Variants in NOX4 observed in about 807,000 individuals in gnomAD.
NOX4 encodes NADPH oxidase 4, also known as kidney oxidase-1.
A neutral mutation model predicts 87.6 loss-of-function variants in NOX4; 69 were observed. That is an observed-to-expected ratio of 0.79 (90% confidence interval 0.65 to 0.96). NOX4 has a LOEUF of 0.96. NOX4 is among the 40% of genes least tolerant of loss of function. The pLI, the probability that NOX4 is intolerant of heterozygous loss-of-function variation, is 0.00. For synonymous variants in NOX4, 275 were observed against 238.2 expected (o/e 1.15, Z -1.42); for missense variants, 680 against 681.5 (o/e 1.00, Z 0.02).
chr11:89,520,080 G>A, the NOX4 span, among the ~76,000 whole-genome samples: 2 of 151,928 alleles, frequency 1.3e-5, no homozygotes, highest in Non-Finnish European at 2.9e-5. Context: ...ATTATGATCA[G>A]GGAGCAAACA....
intron 1 of NOX4, among the ~76,000 whole-genome samples, chr11:89,497,447 T>C (rs1946969826): frequency 6.6e-6 from 1 of 152,146 alleles, no homozygotes; most frequent in Non-Finnish European, 1.5e-5. Flanking sequence ...AATCTTAAAC[T>C]CAAACTATTA....
In NOX4 at chr11:89,477,575, G is replaced by A. The variant is rs189343807; in HGVS notation, c.153+12883C>T. On this transcript the variant is annotated intron_variant, in intron 2 of 17. Transcript: ENST00000263317. ...TAAATTGATAAATTAATGAATGAAT[G>A]AAGAAGAAAGTAAAAGGAAGTCTGG... Among the ~76,000 whole-genome samples, 4 of 152,272 alleles carry A rather than the reference G, an allele frequency of 2.6e-5. No homozygotes were observed. In the East Asian group the frequency reaches 7.7e-4, roughly 29 times the overall value.
intron 8 of NOX4, among the ~76,000 whole-genome samples, chr11:89,411,682 A>G (rs1329412429): frequency 2.0e-5 from 3 of 152,172 alleles, no homozygotes; most frequent in Non-Finnish European, 4.4e-5. Flanking sequence ...AAAAATAGAA[A>G]AAGAAGAAAT....
intron 11 of NOX4, among the ~76,000 whole-genome samples, chr11:89,385,030 A>G (rs1388856519): frequency 1.3e-5 from 2 of 152,072 alleles, no homozygotes; most frequent in Admixed American, 1.3e-4. Context: ...TATCTTCCAC[A>G]TCTATCCTTG....
chr11:89,491,230 C>T lies in NOX4; in HGVS notation c.17G>A (p.Arg6Lys), dbSNP rs749056401. The T allele has an allele frequency of 1.9e-6, 3 of 1,613,644 alleles. No homozygotes were observed. In the East Asian group the frequency reaches 6.7e-5, roughly 36 times the overall value. Residue 6 changes from arginine (R) to lysine (K), a missense_variant, in exon 1 of 18, where the codon AGG becomes AAG. Transcript: ENST00000263317. MAVSWRSWLANEGVKH... is the reference protein window; with the variant it reads MAVSWKSWLANEGVKH... ...AACCCCTTCGTTGGCGAGCCAGCTCCTCCAGGACACAGCCATGCCGCCGGC... is the reference window on the plus strand; with the variant it reads ...AACCCCTTCGTTGGCGAGCCAGCTCTTCCAGGACACAGCCATGCCGCCGGC...
chr11:89,345,716 T>C (rs984759751), intron 13 of NOX4, among the ~76,000 whole-genome samples: 2 of 152,200 alleles, frequency 1.3e-5, no homozygotes, highest in Non-Finnish European at 2.9e-5. Context: ...TCTCAATAGA[T>C]GCAGAAAAAG....
the NOX4 span, among the ~76,000 whole-genome samples, chr11:89,510,992 C>G: frequency 6.6e-6 from 1 of 151,990 alleles, no homozygotes; most frequent in Non-Finnish European, 1.5e-5. Context: ...CCCAGATAAA[C>G]ATTTTCTGAA....
intron 2 of NOX4, among the ~76,000 whole-genome samples, chr11:89,479,425 C>A (rs983468039): frequency 6.6e-6 from 1 of 151,984 alleles, no homozygotes; most frequent in African/African-American, 2.4e-5. Flanking sequence ...GAGATATAGT[C>A]AGAAAGGCAT....
At chr11:89,416,176 T>C (rs1259149708) in intron 8 of NOX4, among the ~76,000 whole-genome samples, 1 of 152,152 alleles carries the variant, frequency 6.6e-6, no homozygotes, top group Non-Finnish European at 1.5e-5. Flanking sequence ...CAAAAGTATC[T>C]GGTTTGGACA....
intron 7 of NOX4, among the ~76,000 whole-genome samples, chr11:89,424,182 ATAT>A (rs2135275216): frequency 6.6e-6 from 1 of 151,964 alleles, no homozygotes; most frequent in South Asian, 2.1e-4. Flanking sequence ...TTGTCTCCAG[ATAT>A]TATATGTTTT....
intron 11 of NOX4, among the ~76,000 whole-genome samples, chr11:89,378,668 A>C (rs1940044652): frequency 6.6e-6 from 1 of 152,318 alleles, no homozygotes; most frequent in African/African-American, 2.4e-5. Flanking sequence ...TATAGGAAGA[A>C]AAATATGGGA....
At chr11:89,389,436 TG>T in intron 11 of NOX4, among the ~76,000 whole-genome samples, 1 of 152,302 alleles carries the variant, frequency 6.6e-6, no homozygotes, top group Admixed American at 6.5e-5. Context: ...CTCAAACTAC[TG>T]AATTTGTAAT....
At chr11:89,505,211 G>GT in the NOX4 span, among the ~76,000 whole-genome samples, 1 of 151,752 alleles carries the variant, frequency 6.6e-6, no homozygotes, top group African/African-American at 2.4e-5. Context: ...CACTTTTTAA[G>GT]TTAGAAATCA....
intron 2 of NOX4, among the ~76,000 whole-genome samples, chr11:89,467,070 C>T (rs547529442): frequency 1.6e-4 from 25 of 151,950 alleles, no homozygotes; most frequent in Admixed American, 1.4e-3. Flanking sequence ...CTTTATCGGC[C>T]GGGCACGGTG....
At chr11:89,467,628 A>C (rs1256745302) in intron 2 of NOX4, among the ~76,000 whole-genome samples, 1 of 152,176 alleles carries the variant, frequency 6.6e-6, no homozygotes, top group African/African-American at 2.4e-5. Flanking sequence ...CCTCTTTCAT[A>C]AAGGCACTAA....
chr11:89,558,688 A>G, the NOX4 span, among the ~76,000 whole-genome samples: 1 of 152,068 alleles, frequency 6.6e-6, no homozygotes, highest in Non-Finnish European at 1.5e-5. Context: ...CCTTACAGTG[A>G]GGTCACCCAA....
chr11:89,437,944 G>A lies in NOX4; in HGVS notation c.475+2744C>T, dbSNP rs111715446. ...CCTAATACAAAAGGCAGGCAGTAGC[G>A]AGACGGTATGCTCAAGAGTATGATG... On this transcript the variant is annotated intron_variant, in intron 6 of 17. Coordinates refer to ENST00000263317, the MANE Select transcript of NOX4 (RefSeq NM_016931.5). Among the ~76,000 whole-genome samples the A allele has an allele frequency of 9.7e-4, 147 of 151,942 alleles. 1 individual carries two copies. The highest frequency in any genetic ancestry group is 2.9e-3 in the African/African-American group (120 of 41,434).
intron 11 of NOX4, among the ~76,000 whole-genome samples, chr11:89,377,836 C>T (rs1939969447): frequency 1.3e-5 from 2 of 152,028 alleles, no homozygotes; most frequent in African/African-American, 4.8e-5. Context: ...CCCTTTCTTC[C>T]CAAGTTCTTA....
At chr11:89,370,063 G>T (rs948003770) in intron 12 of NOX4, among the ~76,000 whole-genome samples, 2 of 151,834 alleles carry the variant, frequency 1.3e-5, no homozygotes, top group Non-Finnish European at 2.9e-5. Context: ...ACTCTTTTGT[G>T]GCCCAGTCCT....
Sources: gnomAD v4.1 joint callset for allele counts (sites outside exome capture counted in the v4.1 genomes callset) on GRCh38, gnomAD v4.1.1 for gene constraint, MANE v1.5 for transcripts, NCBI Gene and HGNC (gene_info 2026-07-23, HGNC 2026-07-21) for gene names.